The following KLRC3 variants were observed in gnomAD, a reference collection of about 807,000 sequenced individuals.
KLRC3 encodes NKG2-E type II integral membrane protein.
A neutral mutation model predicts 23.6 loss-of-function variants in KLRC3; 16 were observed. The ratio of observed to expected loss-of-function variants is 0.68; its 90% confidence interval spans 0.46 to 1.03. KLRC3 has a LOEUF of 1.03. Among genes scored for constraint, KLRC3 ranks in the 50% least tolerant of loss-of-function variants. The pLI is 0.00. For synonymous variants in KLRC3, 70 were observed against 71.8 expected, an observed-to-expected ratio of 0.98 and a Z score of 0.13; for missense variants, 209 against 232.2, an observed-to-expected ratio of 0.90 and a Z score of 0.65.
At chr12:10,415,019 G>C (rs1217550452) in intron 6 of KLRC3, among the ~76,000 whole-genome samples, 1 of 152,028 alleles carries the variant, frequency 6.6e-6, no homozygotes, top group Non-Finnish European at 1.5e-5. Flanking sequence ...TAATATGATA[G>C]AGAGAAATTA....
chr12:10,416,722 G>A lies in KLRC3; in HGVS notation c.532C>T (p.Arg178Cys), dbSNP rs138941727. 2.1e-5 allele frequency: 33 copies of A among 1,609,596 alleles called. No homozygotes were observed. Among genetic ancestry groups the A allele is most frequent in the Middle Eastern group, 1.7e-4 (1 of 6,058 alleles). The part of the protein sequence containing the change: ...ILPSSWIGVF[R>C]NSSHHPWVTI... ...ACCCATGGATGATGACTGCTGTTAC[G>A]AAACACACCAATCCATGAGGAAGGT... is the stretch of plus-strand genomic sequence containing the variant. Residue 178 changes from arginine to cysteine, a missense_variant, in exon 5 of 7, where the codon CGT becomes TGT. This residue lies in a region of KLRC3 where 17 missense variants were observed against 39.5 expected (regional missense o/e 0.43). Coordinates refer to ENST00000396439, the MANE Select transcript of KLRC3 (RefSeq NM_002261.3).
rs1330385289 is a variant in KLRC3, at chr12:10,412,389, C to T, written c.*183G>A. The T allele has an allele frequency of 5.1e-6, 3 of 587,048 alleles. No individual in the cohort carries two copies. Among genetic ancestry groups the T allele is most frequent in the East Asian group, 3.0e-5 (1 of 33,628 alleles). The allele number at this position is 587,048 out of a possible 1,614,324, so 36.4% of individuals were successfully genotyped here. A position where few individuals can be genotyped will look rare whatever the true frequency, so the allele number is the denominator to read the frequency against. ...TAATATTTGTTGTAAATGACTAATG[C>T]TTAAATCAAACTATATAGAGAGGGA... On this transcript the variant is annotated 3_prime_UTR_variant, in exon 7 of 7. Transcript: ENST00000396439.
intron 3 of KLRC3, 22 bp from the exon 4 acceptor site, chr12:10,418,520 A>G: frequency 6.5e-7 from 1 of 1,529,616 alleles, no homozygotes; most frequent in Non-Finnish European, 8.9e-7. Flanking sequence ...ATGAATTACT[A>G]TCTAGACCAA....
In KLRC3 at chr12:10,415,743, A is replaced by G. The variant is rs145137620; in HGVS notation, c.639T>C (p.Arg213=). 1.9e-6 allele frequency: 3 copies of G among 1,613,504 alleles called. No homozygotes were observed. In the African/African-American group the frequency reaches 4.0e-5, roughly 22 times the overall value. Residue 213 remains arginine, a synonymous_variant, in exon 6 of 7, where the codon CGT becomes CGC. Transcript: ENST00000396439. Reference sequence around the variant, plus strand: ...ATCCACACTGGTCTGATATAAGTCCACGTACATGTAGCATTGCACAGTTAC... The same window carrying G: ...ATCCACACTGGTCTGATATAAGTCCGCGTACATGTAGCATTGCACAGTTAC... ...AERNCAMLHV[R]GLISDQCGSS...
At chr12:10,417,712 T>A (rs1031026810) in intron 4 of KLRC3, among the ~76,000 whole-genome samples, 1 of 152,212 alleles carries the variant, frequency 6.6e-6, no homozygotes, top group Non-Finnish European at 1.5e-5. Context: ...GGCATGAGAC[T>A]CACTTCCCCA....
At chr12:10,418,232 C>T in intron 4 of KLRC3, 112 bp downstream of exon 4, 1 of 1,045,112 alleles carries the variant, frequency 9.6e-7, no homozygotes, top group Non-Finnish European at 1.4e-6. Flanking sequence ...ATAATGCATA[C>T]ACTTGAAAAT....
rs772993825 is a variant in KLRC3, at chr12:10,420,583, C to G, written c.-33G>C. On this transcript the variant is annotated 5_prime_UTR_variant, in exon 1 of 7. Transcript: ENST00000396439. ...GCTGTGTGATGTGAGGGACTGTGCT[C>G]TATGATAACTGCACTTAAGAAGCTA... 1.2e-5 allele frequency: 18 copies of G among 1,547,372 alleles called. No individual in the cohort carries two copies. In the African/African-American group the frequency reaches 2.5e-4, roughly 22 times the overall value.
In KLRC3 at chr12:10,412,615, C is replaced by T; in HGVS notation, c.680G>A (p.Arg227Lys). The stretch of plus-strand genomic sequence containing the variant: ...CCTGGTCAACATGATGAAACCCCGT[C>T]TCTACAAAAAAATACGAAAATTAGC... The part of the protein sequence containing the change: ...SDQCGSSRII[R>K]RGFIMLTRLV... Residue 227 changes from arginine to lysine, a missense_variant and splice_region_variant, in exon 7 of 7, where the codon AGA becomes AAA. Arg to Lys is a conservative substitution (Grantham distance 26). Coordinates refer to ENST00000396439, the MANE Select transcript of KLRC3 (RefSeq NM_002261.3). 1 of 700,678 alleles carries T rather than the reference C, an allele frequency of 1.4e-6. No individual in the cohort carries two copies. The highest frequency in any genetic ancestry group is 2.0e-5 in the Admixed American group (1 of 49,596). The allele number at this position is 700,678 out of a possible 1,614,324, so 43.4% of individuals were successfully genotyped here. A position where few individuals can be genotyped will look rare whatever the true frequency, so the allele number is the denominator to read the frequency against.
intron 2 of KLRC3, chr12:10,419,493 A>G (rs1231403101): frequency 2.9e-6 from 2 of 697,478 alleles, no homozygotes; most frequent in East Asian, 5.6e-5. Flanking sequence ...CAGAATAACC[A>G]TATTATTTTG....
At chr12:10,412,672 C>T (rs565411234) in intron 6 of KLRC3, 56 bp from the exon 7 acceptor site, 5 of 684,896 alleles carry the variant, frequency 7.3e-6, no homozygotes, top group South Asian at 6.1e-5. Context: ...TAGCCAGCTA[C>T]TCTGGTTGCT....
rs1157638063 is a variant in KLRC3 at position 10,412,425 on chromosome 12, T to C, written c.*147A>G. 2 of 640,694 alleles carry C rather than the reference T, an allele frequency of 3.1e-6. No homozygotes were observed. Among genetic ancestry groups the C allele is most frequent in the African/African-American group, 3.7e-5 (2 of 53,968 alleles). 39.7% of individuals were successfully genotyped at this position (640,694 alleles called of 1,614,324 possible). On this transcript the variant is annotated 3_prime_UTR_variant, in exon 7 of 7. Coordinates refer to ENST00000396439, the MANE Select transcript of KLRC3 (RefSeq NM_002261.3). ...CTATATAGAGAGGGAAAAGTAATTT[T>C]TAAAACATCATCTAGTTAAAAATAG... is the stretch of plus-strand genomic sequence containing the variant.
intron 4 of KLRC3, among the ~76,000 whole-genome samples, chr12:10,417,924 C>G (rs1461572488): frequency 1.3e-5 from 2 of 152,092 alleles, no homozygotes; most frequent in South Asian, 2.1e-4. Flanking sequence ...TTTATAACTT[C>G]AAAAGTCAAG....
intron 6 of KLRC3, among the ~76,000 whole-genome samples, chr12:10,415,289 T>A (rs1863624349): frequency 6.6e-6 from 1 of 152,222 alleles, no homozygotes; most frequent in Non-Finnish European, 1.5e-5. Flanking sequence ...CTACTGAAAT[T>A]TAGAAAGTTT....
chr12:10,419,344 TTTC>T (rs1159503848), intron 2 of KLRC3, among the ~76,000 whole-genome samples: 6 of 16,526 alleles, frequency 3.6e-4, no homozygotes, highest in African/African-American at 9.1e-4. Context: ...TCTAAATACT[TTTC>T]TTCTATAGCA....
In KLRC3 at chr12:10,416,694, G is replaced by T; in HGVS notation, c.560C>A (p.Thr187Lys). ...FRNSSHHPWV[T>K]INGLAFKHEI... is the part of the protein sequence containing the mutation. Reference sequence around the variant, plus strand: ...ATGTTTGAAAGCCAAACCATTTATTGTCACCCATGGATGATGACTGCTGTT... The same window carrying T: ...ATGTTTGAAAGCCAAACCATTTATTTTCACCCATGGATGATGACTGCTGTT... The change falls in exon 5 of 7, where the codon ACA (threonine) becomes AAA (lysine). Residue 187 changes from threonine (T) to lysine (K), a missense_variant. Physicochemically the swap from Thr to Lys is moderately conservative, Grantham distance 78. Transcript: ENST00000396439. The T allele has an allele frequency of 6.2e-7, 1 of 1,610,632 alleles. No homozygotes were observed. Among genetic ancestry groups the T allele is most frequent in the Non-Finnish European group, 8.5e-7 (1 of 1,178,262 alleles).
At chr12:10,418,277 T>C (rs1863672724) in intron 4 of KLRC3, 67 bp downstream of exon 4, 2 of 1,433,228 alleles carry the variant, frequency 1.4e-6, no homozygotes, top group Admixed American at 1.8e-5. Flanking sequence ...CATATGGATG[T>C]TTTCTACAAA....
chr12:10,417,910 C>A (rs12816403), intron 4 of KLRC3, among the ~76,000 whole-genome samples: 1 of 151,974 alleles, frequency 6.6e-6, no homozygotes, highest in African/African-American at 2.4e-5. Context: ...ACAGGCAAAC[C>A]TTATTTATAA....
chr12:10,416,027 G>A (rs998624846), intron 5 of KLRC3, among the ~76,000 whole-genome samples: 5 of 152,114 alleles, frequency 3.3e-5, no homozygotes, highest in Non-Finnish European at 7.4e-5. Flanking sequence ...AGAACCTATA[G>A]AGAGATTATG....
At chr12:10,415,460 C>A (rs1018159595) in intron 6 of KLRC3, 4 of 592,066 alleles carry the variant, frequency 6.8e-6, no homozygotes, top group African/African-American at 5.7e-5. Context: ...TTTTAGGAAG[C>A]CTGAATGCCA....
Sources: gnomAD v4.1 joint callset for allele counts (sites outside exome capture counted in the v4.1 genomes callset) on GRCh38, gnomAD v4.1.1 for gene constraint, gnomAD v4.1.1 regional missense constraint, MANE v1.5 for transcripts, NCBI Gene and HGNC (gene_info 2026-07-23, HGNC 2026-07-21) for gene names.